The following SUMF1 variants were observed in gnomAD, a reference collection of about 807,000 sequenced individuals.
The protein encoded by SUMF1 is sulfatase modifying factor 1, also known as formylglycine-generating enzyme.
SUMF1 carries 48 observed loss-of-function variants against 47.6 expected under a neutral mutation model. The observed-to-expected ratio is 1.01, with a 90% CI of 0.80 to 1.28. The LOEUF (loss-of-function observed/expected upper bound fraction) is 1.28. SUMF1 is among the 50% of genes most tolerant of loss of function. The pLI is 0.00. For missense variants in SUMF1, 571 were observed against 485.4 expected, an observed-to-expected ratio of 1.18 and a Z score of -1.66; for synonymous variants, 230 against 192.1, an observed-to-expected ratio of 1.20 and a Z score of -1.63.
At chr3:4,441,134 C>T (rs1460571556) in intron 3 of SUMF1, among the ~76,000 whole-genome samples, 2 of 152,128 alleles carry the variant, frequency 1.3e-5, no homozygotes, top group Non-Finnish European at 2.9e-5. Flanking sequence ...TATTTACAGC[C>T]CGCTCCTCGT....
At chr3:4,237,339 G>A (rs1696432113) in intron 8 of SUMF1, among the ~76,000 whole-genome samples, 1 of 152,038 alleles carries the variant, frequency 6.6e-6, no homozygotes. Flanking sequence ...ATGTGTACTG[G>A]TATCTCATTT....
intron 7 of SUMF1, among the ~76,000 whole-genome samples, chr3:4,399,961 G>A (rs1380988399): frequency 1.3e-5 from 2 of 152,210 alleles, no homozygotes; most frequent in Non-Finnish European, 2.9e-5. Flanking sequence ...GTTTCACCAT[G>A]TTAGCCAGGC....
At chr3:4,248,807 T>A (rs908379526) in intron 8 of SUMF1, among the ~76,000 whole-genome samples, 5 of 152,126 alleles carry the variant, frequency 3.3e-5, no homozygotes, top group Admixed American at 6.5e-5. Flanking sequence ...AAAGAAAGTG[T>A]TGATGAGAGC....
At chr3:4,244,455 G>C (rs1237683836) in intron 8 of SUMF1, among the ~76,000 whole-genome samples, 1 of 152,128 alleles carries the variant, frequency 6.6e-6, no homozygotes, top group Non-Finnish European at 1.5e-5. Flanking sequence ...CAGGCCTGGT[G>C]GTGACAAAAT....
intron 8 of SUMF1, among the ~76,000 whole-genome samples, chr3:4,208,178 C>G (rs1013320685): frequency 1.3e-5 from 2 of 151,976 alleles, no homozygotes; most frequent in African/African-American, 2.4e-5. Context: ...AGGAAATACC[C>G]AACTCCAGCC....
At chr3:4,233,440 C>T (rs7639456) in intron 8 of SUMF1, among the ~76,000 whole-genome samples, 2,600 of 152,106 alleles carry the variant, frequency 0.017, 77 homozygotes, top group African/African-American at 0.06. Context: ...ACAAGCTCTT[C>T]TTCCTATTCC....
At chr3:4,234,848 G>C (rs998394527) in intron 8 of SUMF1, among the ~76,000 whole-genome samples, 2 of 152,098 alleles carry the variant, frequency 1.3e-5, no homozygotes, top group Admixed American at 1.3e-4. Flanking sequence ...CATCGTCAAG[G>C]AAAATAAATT....
chr3:4,072,861 G>A (rs988674369), intron 8 of SUMF1, among the ~76,000 whole-genome samples: 1 of 152,134 alleles, frequency 6.6e-6, no homozygotes, highest in African/African-American at 2.4e-5. Flanking sequence ...ACGTTTGACT[G>A]GTGTACCTGA....
chr3:4,177,202 A>G (rs1694985489), intron 8 of SUMF1, among the ~76,000 whole-genome samples: 1 of 152,196 alleles, frequency 6.6e-6, no homozygotes, highest in African/African-American at 2.4e-5. Context: ...ATAGACATCT[A>G]CAGAACTCTA....
chr3:4,411,364 C>T (rs1225304897), intron 6 of SUMF1, among the ~76,000 whole-genome samples: 4 of 152,144 alleles, frequency 2.6e-5, no homozygotes, highest in Non-Finnish European at 4.4e-5. Flanking sequence ...TGAGTCTTGT[C>T]ATCACAGCTC....
chr3:4,319,572 TTCAAGTTTTAA>T (rs1229066304), intron 8 of SUMF1, among the ~76,000 whole-genome samples: 2 of 152,210 alleles, frequency 1.3e-5, no homozygotes, highest in Non-Finnish European at 2.9e-5. Flanking sequence ...AAATGTAAAT[TTCAAGTTTTAA>T]GACCTGAAGG....
chr3:4,303,518 C>T, intron 8 of SUMF1: 1 of 1,433,870 alleles, frequency 7.0e-7, no homozygotes, highest in Non-Finnish European at 9.1e-7. Flanking sequence ...CGCGCCGGCG[C>T]CCTTCCAGGT....
rs948638947 is a variant in SUMF1, at chr3:4,361,846, C to A, written c.*298G>T. The A allele has an allele frequency of 5.0e-6, 2 of 400,676 alleles. No individual in the cohort carries two copies. The highest frequency in any genetic ancestry group is 9.4e-6 in the Non-Finnish European group (2 of 211,910). 24.8% of individuals were successfully genotyped at this position (400,676 alleles called of 1,614,324 possible). On this transcript the variant is annotated 3_prime_UTR_variant, in exon 9 of 9. Transcript: ENST00000272902. ...GGTCTAACCCCTGTGGCAGAGCCTG[C>A]GTAGGACGCGGGCCTCCTGAAGCCT...
chr3:4,337,532 T>C (rs1699180436), intron 8 of SUMF1, among the ~76,000 whole-genome samples: 1 of 152,078 alleles, frequency 6.6e-6, no homozygotes, highest in South Asian at 2.1e-4. Flanking sequence ...CTAATCCCAC[T>C]AATTCCAACC....
chr3:4,381,699 T>A (rs978767384), intron 7 of SUMF1, among the ~76,000 whole-genome samples: 2 of 152,224 alleles, frequency 1.3e-5, no homozygotes, highest in Admixed American at 1.3e-4. Flanking sequence ...GAATGTTCTT[T>A]ATAGAGGAAT....
chr3:4,085,748 T>A (rs1243237602), intron 8 of SUMF1, among the ~76,000 whole-genome samples: 1 of 152,102 alleles, frequency 6.6e-6, no homozygotes, highest in Non-Finnish European at 1.5e-5. Context: ...CTCTTTTACC[T>A]AAAGAACTAC....
intron 7 of SUMF1, among the ~76,000 whole-genome samples, chr3:4,400,464 G>A (rs1701175068): frequency 6.6e-6 from 1 of 152,208 alleles, no homozygotes; most frequent in Non-Finnish European, 1.5e-5. Context: ...TGATGTTTAT[G>A]TTTGCCACTA....
chr3:4,376,426 G>A (rs1700332059), intron 7 of SUMF1, 37 bp from the exon 8 acceptor site: 1 of 1,607,670 alleles, frequency 6.2e-7, no homozygotes, highest in Non-Finnish European at 8.5e-7. Context: ...TAGACCAGAA[G>A]GCAAAGCTGC....
intron 8 of SUMF1, among the ~76,000 whole-genome samples, chr3:4,344,175 C>A (rs190154831): frequency 1.5e-4 from 23 of 152,286 alleles, no homozygotes; most frequent in Admixed American, 1.2e-3. Flanking sequence ...TCCAGGTTCT[C>A]TCATCAAAAT....
Sources: gnomAD v4.1 joint callset for allele counts (sites outside exome capture counted in the v4.1 genomes callset) on GRCh38, gnomAD v4.1.1 for gene constraint, MANE v1.5 for transcripts, NCBI Gene and HGNC (gene_info 2026-07-23, HGNC 2026-07-21) for gene names.